The following SEL1L2 variants were observed in gnomAD, a reference collection of about 807,000 sequenced individuals.
SEL1L2 encodes the protein SEL1L2 adaptor subunit of SYVN1 ubiquitin ligase, also known as protein sel-1 homolog 2.
A neutral mutation model predicts 98.8 loss-of-function variants in SEL1L2; 89 were observed. The observed-to-expected ratio is 0.90, with a 90% confidence interval of 0.76 to 1.07. The LOEUF (loss-of-function observed/expected upper bound fraction) is 1.07, where lower values mean the gene tolerates loss of function less well. Ranked by LOEUF, SEL1L2 falls within the 50% of genes least tolerant of loss-of-function variation. The pLI, the probability that SEL1L2 is intolerant of heterozygous loss-of-function variation, is 0.00. For synonymous variants in SEL1L2, 262 were observed against 278.5 expected (o/e 0.94, Z 0.59); for missense variants, 788 against 812.0 (o/e 0.97, Z 0.36).
At chr20:13,970,023 C>CT (rs1374192324) in intron 1 of SEL1L2, among the ~76,000 whole-genome samples, 2 of 141,736 alleles carry the variant, frequency 1.4e-5, no homozygotes, top group Non-Finnish European at 3.0e-5. Context: ...GTGCTCCATC[C>CT]TCTTTTTTTT....
intron 14 of SEL1L2, among the ~76,000 whole-genome samples, chr20:13,868,606 C>CTTTTTTTT (rs1259507156): frequency 7.2e-6 from 1 of 138,596 alleles, no homozygotes; most frequent in Non-Finnish European, 1.6e-5. Context: ...TTCTTTCTTA[C>CTTTTTTTT]TTTTTTTTTT....
At chr20:13,983,551 G>A (rs369555170) in intron 1 of SEL1L2, among the ~76,000 whole-genome samples, 34 of 151,546 alleles carry the variant, frequency 2.2e-4, no homozygotes, top group Middle Eastern at 3.4e-3. Context: ...ACAGAGTTTC[G>A]CTCTTGTTGC....
intron 8 of SEL1L2, among the ~76,000 whole-genome samples, chr20:13,886,717 G>A (rs748261596): frequency 5.9e-5 from 9 of 151,794 alleles, no homozygotes; most frequent in Non-Finnish European, 1.3e-4. Flanking sequence ...GTGAAACCCC[G>A]TCTCTACTAA....
chr20:13,953,518 A>C (rs757643872), intron 2 of SEL1L2, among the ~76,000 whole-genome samples: 1 of 152,184 alleles, frequency 6.6e-6, no homozygotes. Context: ...AGAGGGGGGA[A>C]TGAGACAGCC....
intron 1 of SEL1L2, among the ~76,000 whole-genome samples, chr20:13,964,583 G>C (rs1285239762): frequency 6.6e-6 from 1 of 151,294 alleles, no homozygotes; most frequent in East Asian, 2.0e-4. Flanking sequence ...CTCCGGAGTA[G>C]CTGGGATTAC....
intron 8 of SEL1L2, among the ~76,000 whole-genome samples, chr20:13,887,383 A>G (rs1455002767): frequency 6.6e-6 from 1 of 152,190 alleles, no homozygotes; most frequent in East Asian, 1.9e-4. Flanking sequence ...AGATACCTCC[A>G]ATGTATACCT....
At chr20:13,873,159 T>G (rs2046281528) in intron 12 of SEL1L2, among the ~76,000 whole-genome samples, 1 of 151,196 alleles carries the variant, frequency 6.6e-6, no homozygotes, top group Admixed American at 6.6e-5. Flanking sequence ...CCTGGCTAAT[T>G]TTGTACTTTC....
chr20:13,984,924 A>C (rs2052086442), intron 1 of SEL1L2, among the ~76,000 whole-genome samples: 1 of 152,160 alleles, frequency 6.6e-6, no homozygotes, highest in Non-Finnish European at 1.5e-5. Context: ...TCTCACTTCA[A>C]AAGTTTATCA....
At chr20:13,883,600 C>A (rs1313880286) in intron 10 of SEL1L2, among the ~76,000 whole-genome samples, 1 of 152,208 alleles carries the variant, frequency 6.6e-6, no homozygotes, top group Non-Finnish European at 1.5e-5. Flanking sequence ...CCTGGCTGGG[C>A]TCCTGGGTGA....
chr20:13,850,442 T>C, intron 18 of SEL1L2, 123 bp from the exon 19 acceptor site: 1 of 1,043,990 alleles, frequency 9.6e-7, no homozygotes, highest in South Asian at 1.5e-5. Flanking sequence ...TATCATGGAT[T>C]ATCCAAGTGG....
chr20:13,909,553 T>C (rs1568949367), intron 5 of SEL1L2, among the ~76,000 whole-genome samples: 1 of 152,154 alleles, frequency 6.6e-6, no homozygotes, highest in Non-Finnish European at 1.5e-5. Flanking sequence ...ATGTTAACAC[T>C]ATGCTTGCTA....
chr20:13,890,218 AG>A (rs1283611447), intron 5 of SEL1L2, among the ~76,000 whole-genome samples: 1 of 152,172 alleles, frequency 6.6e-6, no homozygotes, highest in East Asian at 1.9e-4. Flanking sequence ...ATGACTTTTC[AG>A]GGGGCTGTTC....
intron 1 of SEL1L2, among the ~76,000 whole-genome samples, chr20:13,968,998 G>A (rs2051169957): frequency 6.6e-6 from 1 of 152,158 alleles, no homozygotes; most frequent in Non-Finnish European, 1.5e-5. Context: ...GTGATTTTAA[G>A]ATGTGATTAT....
chr20:13,954,168 A>G (rs79954985), intron 2 of SEL1L2, among the ~76,000 whole-genome samples: 3,502 of 152,266 alleles, frequency 0.023, 145 homozygotes, highest in African/African-American at 0.077. Context: ...TGGAAAGAGC[A>G]GCTCCACTTA....
intron 17 of SEL1L2, among the ~76,000 whole-genome samples, chr20:13,860,794 C>A (rs34521963): frequency 1.2e-4 from 19 of 152,212 alleles, no homozygotes; most frequent in Middle Eastern, 6.8e-3. Context: ...TCTACTATCT[C>A]TCTCTCCCTG....
chr20:13,920,521 T>C (rs2048613298), intron 3 of SEL1L2, among the ~76,000 whole-genome samples: 2 of 152,130 alleles, frequency 1.3e-5, no homozygotes, highest in African/African-American at 4.8e-5. Context: ...ATAAAGATCC[T>C]TCCACCAATG....
At chr20:13,957,707 G>C (rs561884237) in intron 1 of SEL1L2, among the ~76,000 whole-genome samples, 18 of 152,220 alleles carry the variant, frequency 1.2e-4, no homozygotes, top group African/African-American at 4.3e-4. Context: ...GTGAGACCCT[G>C]TCTCTACAAA....
At chr20:13,850,441 T>C in intron 18 of SEL1L2, 122 bp from the exon 19 acceptor site, 1 of 1,062,984 alleles carries the variant, frequency 9.4e-7, no homozygotes, top group South Asian at 1.5e-5. Context: ...TTATCATGGA[T>C]TATCCAAGTG....
At chr20:13,903,287 T>C (rs940568965) in intron 5 of SEL1L2, among the ~76,000 whole-genome samples, 3 of 152,210 alleles carry the variant, frequency 2.0e-5, no homozygotes, top group African/African-American at 2.4e-5. Flanking sequence ...GGATGTGCTA[T>C]GGTAGATGAT....
Sources: allele counts gnomAD v4.1 joint callset (sites outside exome capture counted in the v4.1 genomes callset), GRCh38; gene constraint gnomAD v4.1.1; transcripts MANE v1.5; gene names NCBI Gene and HGNC (gene_info 2026-07-23, HGNC 2026-07-21).